The following DESI1 variants were observed in gnomAD, a reference collection of about 807,000 sequenced individuals.
The protein encoded by DESI1 is desumoylating isopeptidase 1, also known as PPPDE peptidase domain containing 2.
A neutral mutation model predicts 22.4 loss-of-function variants in DESI1; 17 were observed. The observed-to-expected ratio is 0.76, with a 90% CI of 0.52 to 1.14. The LOEUF (loss-of-function observed/expected upper bound fraction) is 1.14. Ranked by LOEUF, DESI1 falls within the 50% of genes most tolerant of loss-of-function variation. The pLI, the probability that DESI1 is intolerant of heterozygous loss-of-function variation, is 0.00. For missense variants in DESI1, 177 were observed against 208.9 expected (o/e 0.85, Z 0.94); for synonymous variants, 92 against 84.2 (o/e 1.09, Z -0.51).
intron 1 of DESI1, among the ~76,000 whole-genome samples, chr22:41,610,760 CTA>C (rs2067512192): frequency 2.0e-5 from 3 of 151,816 alleles, no homozygotes; most frequent in African/African-American, 7.3e-5. Flanking sequence ...GTAATCCCAG[CTA>C]CTTGGGAGGC....
intron 3 of DESI1, among the ~76,000 whole-genome samples, 182 bp downstream of exon 3, chr22:41,607,080 G>A (rs1278305092): frequency 1.3e-5 from 2 of 152,166 alleles, no homozygotes; most frequent in African/African-American, 4.8e-5. Context: ...GGACCCACAC[G>A]TGCCATGGGA....
At chr22:41,614,602 T>TTTTTTTTTTTTTG (rs1569070870) in intron 1 of DESI1, among the ~76,000 whole-genome samples, 1 of 145,940 alleles carries the variant, frequency 6.9e-6, no homozygotes, top group Non-Finnish European at 1.5e-5. Flanking sequence ...TTTTTTTTTT[T>TTTTTTTTTTTTTG]GAGATGGAGT....
intron 1 of DESI1, among the ~76,000 whole-genome samples, chr22:41,617,875 T>A (rs1009186234): frequency 6.6e-6 from 1 of 152,104 alleles, no homozygotes; most frequent in Non-Finnish European, 1.5e-5. Context: ...ACTTTCCCCT[T>A]CACCCACTAC....
intron 2 of DESI1, among the ~76,000 whole-genome samples, chr22:41,607,596 C>T (rs1352273510): frequency 6.6e-5 from 10 of 152,180 alleles, no homozygotes; most frequent in African/African-American, 2.2e-4. Context: ...GCGTCCCTGC[C>T]TCTATCCACA....
At chr22:41,616,417 A>G (rs2067550655) in intron 1 of DESI1, among the ~76,000 whole-genome samples, 1 of 152,154 alleles carries the variant, frequency 6.6e-6, no homozygotes, top group Non-Finnish European at 1.5e-5. Context: ...TTAAGTCTGA[A>G]AACAGTTTTG....
Position 41,604,138 on chromosome 22 carries a change from C to G in DESI1, c.196G>C (p.Gly66Arg). ...SSCPPGGTLLGPPDSVVDVGS... is the reference protein window; with the variant it reads ...SSCPPGGTLLRPPDSVVDVGS... Reference sequence around the variant, plus strand: ...ACATCAACCACAGAGTCTGGAGGCCCAAGCAATGTCCCTCCCTAAAAGAGC... The same window carrying G: ...ACATCAACCACAGAGTCTGGAGGCCGAAGCAATGTCCCTCCCTAAAAGAGC... The change falls in exon 4 of 6, where the codon GGG (glycine) becomes CGG (arginine). Residue 66 changes from glycine to arginine, a missense_variant. Physicochemically the swap from Gly to Arg is moderately radical, Grantham distance 125. Transcript: ENST00000263256. 1 of 1,613,692 alleles carries G rather than the reference C, an allele frequency of 6.2e-7. No individual in the cohort carries two copies. The highest frequency in any genetic ancestry group is 1.1e-5 in the South Asian group (1 of 91,050).
chr22:41,607,938 A>G (rs2067492625), intron 1 of DESI1, 77 bp from the exon 2 acceptor site: 1 of 1,540,082 alleles, frequency 6.5e-7, no homozygotes, highest in Admixed American at 1.7e-5. Flanking sequence ...TCATGACATC[A>G]CTCAAACCCA....
chr22:41,605,681 T>C (rs374269921), intron 3 of DESI1, among the ~76,000 whole-genome samples: 1 of 152,212 alleles, frequency 6.6e-6, no homozygotes, highest in African/African-American at 2.4e-5. Context: ...GCACTGGGGC[T>C]GTGGTGTGGA....
chr22:41,613,392 T>C (rs2147047403), intron 1 of DESI1, among the ~76,000 whole-genome samples: 1 of 152,370 alleles, frequency 6.6e-6, no homozygotes, highest in East Asian at 1.9e-4. Flanking sequence ...AACTCATTTC[T>C]TCTAGGGTTT....
rs561475718 is a variant in DESI1, at chr22:41,601,079, C to T, written c.*18G>A. 189 of 1,605,214 alleles carry T rather than the reference C, an allele frequency of 1.2e-4. 4 individuals carry two copies. In the South Asian group the frequency reaches 1.7e-3, roughly 14 times the overall value. On this transcript the variant is annotated 3_prime_UTR_variant, in exon 6 of 6. Coordinates refer to ENST00000263256, the MANE Select transcript of DESI1 (RefSeq NM_015704.3). The stretch of plus-strand genomic sequence containing the variant: ...AAGGAAAAGCCCTGGTGAGGCAGGG[C>T]GGTCCCAGGCAGTCCTGTTAGCTCT...
intron 4 of DESI1, 107 bp from the exon 5 acceptor site, chr22:41,603,488 T>G (rs1224464413): frequency 6.5e-7 from 1 of 1,534,260 alleles, no homozygotes; most frequent in Non-Finnish European, 8.9e-7. Flanking sequence ...ATGTGAGGAT[T>G]GCGATTTCCC....
At chr22:41,616,959 A>G (rs188230692) in intron 1 of DESI1, among the ~76,000 whole-genome samples, 1 of 152,336 alleles carries the variant, frequency 6.6e-6, no homozygotes, top group Non-Finnish European at 1.5e-5. Flanking sequence ...CTGAGAGGGT[A>G]CTGCAGATGA....
chr22:41,607,180 C>T, intron 3 of DESI1, 82 bp downstream of exon 3: 9 of 1,344,844 alleles, frequency 6.7e-6, no homozygotes, highest in African/African-American at 1.5e-5. Flanking sequence ...GCCAGAAGTC[C>T]ATAGTAGAAG....
At chr22:41,614,942 C>CTTTT (rs2067541437) in intron 1 of DESI1, among the ~76,000 whole-genome samples, 1 of 150,540 alleles carries the variant, frequency 6.6e-6, no homozygotes, top group Non-Finnish European at 1.5e-5. Flanking sequence ...ACCTGTTTTC[C>CTTTT]ACATGCATAT....
chr22:41,612,802 C>A (rs2067526428), intron 1 of DESI1, among the ~76,000 whole-genome samples: 1 of 149,634 alleles, frequency 6.7e-6, no homozygotes, highest in Non-Finnish European at 1.5e-5. Context: ...TGTTGTCAAG[C>A]CTGGACTTGA....
At chr22:41,608,978 G>A (rs2067499709) in intron 1 of DESI1, among the ~76,000 whole-genome samples, 1 of 152,116 alleles carries the variant, frequency 6.6e-6, no homozygotes, top group Non-Finnish European at 1.5e-5. Context: ...GAGTCTCTCT[G>A]TTGCCCAGGC....
Position 41,599,394 on chromosome 22 carries a change from A to C in DESI1, c.*1703T>G, listed in dbSNP as rs969573463. 1 of 152,132 alleles carries C rather than the reference A, an allele frequency of 6.6e-6. No individual in the cohort carries two copies. The highest frequency in any genetic ancestry group is 1.5e-5 in the Non-Finnish European group (1 of 68,008). 9.4% of individuals were successfully genotyped at this position (152,132 alleles called of 1,614,324 possible). The stretch of plus-strand genomic sequence containing the variant: ...GACTCCCAGACTGTTCCCTGCCTAT[A>C]ACCTCCTAGCAGCAAGTCATTAGGA... On this transcript the variant is annotated 3_prime_UTR_variant, in exon 6 of 6. Transcript: ENST00000263256.
intron 1 of DESI1, among the ~76,000 whole-genome samples, chr22:41,615,897 G>GTTATA: frequency 6.6e-6 from 1 of 152,146 alleles, no homozygotes; most frequent in Non-Finnish European, 1.5e-5. Flanking sequence ...AATGTTATAT[G>GTTATA]TGTACATTCA....
intron 5 of DESI1, 164 bp downstream of exon 5, chr22:41,603,095 G>T: frequency 9.8e-7 from 1 of 1,015,856 alleles, no homozygotes; most frequent in Non-Finnish European, 1.4e-6. Flanking sequence ...ATACAGGTGC[G>T]CATCAGTGGG....
Sources: gnomAD v4.1 joint callset for allele counts (sites outside exome capture counted in the v4.1 genomes callset) on GRCh38, gnomAD v4.1.1 for gene constraint, MANE v1.5 for transcripts, NCBI Gene and HGNC (gene_info 2026-07-23, HGNC 2026-07-21) for gene names.